The following SFMBT2 variants were observed in gnomAD, a reference collection of about 807,000 sequenced individuals.
The protein encoded by SFMBT2 is Scm like with four mbt domains 2, also known as scm-like with four MBT domains protein 2.
Under a neutral mutation model 110.1 loss-of-function variants are expected in SFMBT2, and 38 were observed. The observed-to-expected ratio is 0.35, with a 90% CI of 0.27 to 0.45. The LOEUF (loss-of-function observed/expected upper bound fraction) is 0.45, where lower values mean the gene tolerates loss of function less well. SFMBT2 is among the 20% of genes least tolerant of loss of function. SFMBT2 has a pLI of 1.00. For synonymous variants in SFMBT2, 425 were observed against 425.4 expected, an observed-to-expected ratio of 1.00 and a Z score of 0.01; for missense variants, 1,011 against 1,094.9, an observed-to-expected ratio of 0.92 and a Z score of 1.08.
At chr10:7,295,901 G>A (rs1842395160) in intron 4 of SFMBT2, among the ~76,000 whole-genome samples, 1 of 152,144 alleles carries the variant, frequency 6.6e-6, no homozygotes, top group Non-Finnish European at 1.5e-5. Flanking sequence ...CTACACAACA[G>A]GACTTTAATC....
rs762872004 is a variant in SFMBT2, at chr10:7,371,920, A to ATTTTT, written c.101-1550_101-1546dup. Among the ~76,000 whole-genome samples the ATTTTT allele has an allele frequency of 5.8e-3, 452 of 77,688 alleles. 14 individuals are homozygous for ATTTTT. Among genetic ancestry groups the ATTTTT allele is most frequent in the East Asian group, 8.7e-3 (20 of 2,304 alleles). 51.0% of individuals were successfully genotyped at this position (77,688 alleles called of 152,430 possible). On this transcript the variant is annotated intron_variant, in intron 2 of 20. Coordinates refer to ENST00000397167, the MANE Select transcript of SFMBT2 (RefSeq NM_001387889.1). The stretch of plus-strand genomic sequence containing the variant: ...TATCACTACTTTTTGTCCACCTGTA[A>ATTTTT]TTTTTTTTTTTTTTTTTTTTTTTTG...
chr10:7,385,223 AC>A (rs1169904624), intron 1 of SFMBT2, among the ~76,000 whole-genome samples: 4 of 152,042 alleles, frequency 2.6e-5, no homozygotes, highest in Non-Finnish European at 5.9e-5. Flanking sequence ...TGCACCCTCC[AC>A]CCCTCACCTC....
chr10:7,299,328 A>G (rs1842493400), intron 4 of SFMBT2, among the ~76,000 whole-genome samples: 1 of 152,220 alleles, frequency 6.6e-6, no homozygotes, highest in Non-Finnish European at 1.5e-5. Flanking sequence ...AATTTTTGCA[A>G]TCTACCCGTC....
intron 1 of SFMBT2, among the ~76,000 whole-genome samples, chr10:7,390,044 C>T (rs1018459815): frequency 6.6e-6 from 1 of 152,158 alleles, no homozygotes; most frequent in Non-Finnish European, 1.5e-5. Context: ...ACTGGGGGCT[C>T]ATTATCTATG....
chr10:7,253,504 T>G (rs1024365176), intron 7 of SFMBT2, among the ~76,000 whole-genome samples: 1 of 152,224 alleles, frequency 6.6e-6, no homozygotes, highest in African/African-American at 2.4e-5. Flanking sequence ...CATGTGATGT[T>G]AGAAGTGTTG....
intron 9 of SFMBT2, among the ~76,000 whole-genome samples, chr10:7,242,305 C>T (rs1252772673): frequency 2.0e-5 from 3 of 152,146 alleles, no homozygotes. Context: ...GGGTGCAAAG[C>T]CAGTGTGTAC....
At chr10:7,322,290 T>G (rs980121965) in intron 4 of SFMBT2, among the ~76,000 whole-genome samples, 1 of 152,212 alleles carries the variant, frequency 6.6e-6, no homozygotes, top group Non-Finnish European at 1.5e-5. Flanking sequence ...CCTTCTGCCA[T>G]GATTGTGAGG....
At chr10:7,320,534 A>T in intron 4 of SFMBT2, 1 of 914,070 alleles carries the variant, frequency 1.1e-6, no homozygotes, top group Non-Finnish European at 1.3e-6. Flanking sequence ...TATGAAAGGA[A>T]CCATTTCACT....
In SFMBT2 at chr10:7,159,649, G is replaced by A. The variant is rs1049241492; in HGVS notation, c.*4121C>T. ...TTGCCTTTCAAATAATTGCACGCAC[G>A]ATCACAGCTTTCTAAAGACAGAAGA... On this transcript the variant is annotated 3_prime_UTR_variant, in exon 21 of 21. Transcript: ENST00000397167. 1.3e-5 allele frequency: 2 copies of A among 152,190 alleles called. No individual in the cohort carries two copies. The highest frequency in any genetic ancestry group is 1.9e-4 in the East Asian group (1 of 5,178). 9.4% of individuals were successfully genotyped at this position (152,190 alleles called of 1,614,324 possible).
At chr10:7,276,368 A>G (rs1841775692) in intron 7 of SFMBT2, among the ~76,000 whole-genome samples, 1 of 152,226 alleles carries the variant, frequency 6.6e-6, no homozygotes, top group South Asian at 2.1e-4. Context: ...TGCTACAAAG[A>G]AAGTCAGTAA....
intron 1 of SFMBT2, among the ~76,000 whole-genome samples, chr10:7,399,628 C>T (rs1417971316): frequency 6.6e-6 from 1 of 152,212 alleles, no homozygotes; most frequent in Non-Finnish European, 1.5e-5. Flanking sequence ...TAAAAACACC[C>T]TCACTTACTA....
chr10:7,168,682 C>T (rs894799260), intron 20 of SFMBT2, among the ~76,000 whole-genome samples: 4 of 152,240 alleles, frequency 2.6e-5, no homozygotes, highest in South Asian at 4.1e-4. Flanking sequence ...TGCTGGGCAG[C>T]GCTTTACACA....
In SFMBT2 at chr10:7,345,117, G is replaced by C. The variant is rs966540100; in HGVS notation, c.436+22532C>G. 2.0e-5 allele frequency among the ~76,000 whole-genome samples: 3 copies of C among 152,168 alleles called. 1 individual carries two copies. Among genetic ancestry groups the C allele is most frequent in the Non-Finnish European group, 4.4e-5 (3 of 68,002 alleles). The stretch of plus-strand genomic sequence containing the variant: ...CAGAGAGATGGAGCCAGGAACCTCC[G>C]TGGAGGGAACAGAAACCACCACAGA... On this transcript the variant is annotated intron_variant, in intron 4 of 20. Transcript: ENST00000397167.
At chr10:7,202,991 TCG>T in intron 12 of SFMBT2, 1 of 985,430 alleles carries the variant, frequency 1.0e-6, no homozygotes, top group Non-Finnish European at 1.2e-6. Flanking sequence ...AACCAGTAGC[TCG>T]CAAATACGCC....
rs1564472882 is a variant in SFMBT2 at position 7,392,986 on chromosome 10, TATATATATATA to T, written c.-51-11048_-51-11038del. On this transcript the variant is annotated intron_variant, in intron 1 of 20. Transcript: ENST00000397167. The stretch of plus-strand genomic sequence containing the variant: ...TATATACAAGTATGTGGATAGATTA[TATATATATATA>T]TATATATATATATATATATATATAT... 9.5e-4 allele frequency among the ~76,000 whole-genome samples: 5 copies of T among 5,280 alleles called. 1 individual carries two copies. Among genetic ancestry groups the T allele is most frequent in the East Asian group, 0.015 (2 of 136 alleles). The allele number at this position is 5,280 out of a possible 152,430, so 3.5% of individuals were successfully genotyped here. A position where few individuals can be genotyped will look rare whatever the true frequency, so the allele number is the denominator to read the frequency against.
At chr10:7,390,971 G>A (rs116961870) in intron 1 of SFMBT2, among the ~76,000 whole-genome samples, 4,221 of 152,066 alleles carry the variant, frequency 0.028, 95 homozygotes, top group Non-Finnish European at 0.042. Context: ...TTGGTGGCAC[G>A]TGTCTGTCAT....
intron 6 of SFMBT2, chr10:7,277,557 T>C (rs567669720): frequency 5.6e-6 from 1 of 178,806 alleles, no homozygotes; most frequent in South Asian, 1.9e-4. Context: ...ACACCACATG[T>C]TGCCCATATT....
intron 9 of SFMBT2, among the ~76,000 whole-genome samples, chr10:7,228,729 TTCTTTCCTTTCTCTCTCTC>T (rs1564395318): frequency 1.1e-3 from 101 of 90,490 alleles, no homozygotes; most frequent in Admixed American, 2.1e-3. Context: ...CTTTCTTTCT[TTCTTTCCTTTCTCTCTCTC>T]TCTCTCTCTC....
chr10:7,271,251 C>T (rs1841570050), intron 7 of SFMBT2, among the ~76,000 whole-genome samples: 1 of 145,348 alleles, frequency 6.9e-6, no homozygotes, highest in African/African-American at 2.6e-5. Context: ...TGAGATCATG[C>T]CACTGCACTC....
Sources: gnomAD v4.1 joint callset for allele counts (sites outside exome capture counted in the v4.1 genomes callset) on GRCh38, gnomAD v4.1.1 for gene constraint, MANE v1.5 for transcripts, NCBI Gene and HGNC (gene_info 2026-07-23, HGNC 2026-07-21) for gene names.